Variants in DLGAP2 observed in about 807,000 individuals in gnomAD.
The protein encoded by DLGAP2 is DLG associated protein 2.
A neutral mutation model predicts 100.3 loss-of-function variants in DLGAP2; 26 were observed. The ratio of observed to expected loss-of-function variants is 0.26; its 90% CI spans 0.19 to 0.36. The LOEUF is 0.36. DLGAP2 is among the 10% of genes least tolerant of loss of function. DLGAP2 has a pLI of 1.00. For synonymous variants in DLGAP2, 886 were observed against 630.1 expected (o/e 1.41, Z -6.08); for missense variants, 1,858 against 1,453.2 (o/e 1.28, Z -4.53).
At chr8:1,514,511 T>C (rs1800292299) in intron 4 of DLGAP2, among the ~76,000 whole-genome samples, 1 of 152,232 alleles carries the variant, frequency 6.6e-6, no homozygotes, top group Non-Finnish European at 1.5e-5. Flanking sequence ...ATAATATGAA[T>C]AGCGTTAATA....
chr8:1,487,603 A>T (rs1006815926), intron 3 of DLGAP2, among the ~76,000 whole-genome samples: 5 of 152,236 alleles, frequency 3.3e-5, no homozygotes, highest in Non-Finnish European at 7.3e-5. Flanking sequence ...CGTCTAACCC[A>T]GATAACACGA....
chr8:1,122,987 G>C (rs201534556), intron 2 of DLGAP2, among the ~76,000 whole-genome samples: 3 of 152,186 alleles, frequency 2.0e-5, no homozygotes, highest in African/African-American at 7.2e-5. Flanking sequence ...GTGATCAGGA[G>C]ATACAGTTAA....
Position 1,378,098 on chromosome 8 carries a change from A to AGGT in DLGAP2, c.106+119217_106+119219dup, listed in dbSNP as rs1281244981. The AGGT allele has an allele frequency of 2.6e-5, 4 of 156,474 alleles. 1 individual carries two copies. Among genetic ancestry groups the AGGT allele is most frequent in the Admixed American group, 2.0e-4 (3 of 15,310 alleles). 9.7% of individuals were successfully genotyped at this position (156,474 alleles called of 1,614,324 possible). A position where few individuals can be genotyped will look rare whatever the true frequency, so the allele number is the denominator to read the frequency against. On this transcript the variant is annotated intron_variant, in intron 3 of 14. Transcript: ENST00000637795. ...GACCCGTCTCAAGATATCTGGACGCAGGTGCACACCTGGCCTCACTTGTCC... is the reference window on the plus strand; with the variant it reads ...GACCCGTCTCAAGATATCTGGACGCAGGTGGTGCACACCTGGCCTCACTTGTCC...
intron 3 of DLGAP2, among the ~76,000 whole-genome samples, chr8:1,434,431 C>T (rs1323937698): frequency 6.6e-6 from 1 of 152,106 alleles, no homozygotes; most frequent in Non-Finnish European, 1.5e-5. Context: ...CTGCCACACC[C>T]ACCACTGGGT....
At chr8:1,142,822 G>C (rs1278845662) in intron 2 of DLGAP2, among the ~76,000 whole-genome samples, 5 of 152,176 alleles carry the variant, frequency 3.3e-5, no homozygotes, top group African/African-American at 1.2e-4. Flanking sequence ...CTTCAGGAGA[G>C]ACCTGGCGGG....
intron 2 of DLGAP2, among the ~76,000 whole-genome samples, chr8:1,124,029 C>T (rs1458805982): frequency 1.3e-5 from 2 of 151,748 alleles, no homozygotes; most frequent in Non-Finnish European, 2.9e-5. Flanking sequence ...AAAAAAAATT[C>T]AGCCCTTCAT....
chr8:1,169,598 G>A (rs565161039), intron 2 of DLGAP2, among the ~76,000 whole-genome samples: 5 of 152,082 alleles, frequency 3.3e-5, no homozygotes, highest in Non-Finnish European at 5.9e-5. Context: ...GGTCCTTCAC[G>A]TCCCTTGTAA....
intron 3 of DLGAP2, among the ~76,000 whole-genome samples, chr8:1,393,029 G>C (rs1796410611): frequency 1.8e-5 from 1 of 56,496 alleles, no homozygotes. Context: ...TTGTCCTCCT[G>C]AGTCGTGTAT....
At position 737,778 on chromosome 8, in the gene DLGAP2, C is replaced by T; in HGVS notation, c.-30C>T. 2.6e-6 allele frequency: 1 copy of T among 378,500 alleles called. No homozygotes were observed. 23.4% of individuals were successfully genotyped at this position (378,500 alleles called of 1,614,324 possible). A position where few individuals can be genotyped will look rare whatever the true frequency, so the allele number is the denominator to read the frequency against. The stretch of plus-strand genomic sequence containing the variant: ...GGAGGGGCCGCTTCGCCATGTCGCC[C>T]CGCACCTGCTGAGCCCGGAGCGTCC... On this transcript the variant is annotated 5_prime_UTR_variant, in exon 1 of 15. Transcript: ENST00000637795.
At chr8:1,506,770 G>C (rs532255528) in intron 4 of DLGAP2, among the ~76,000 whole-genome samples, 2 of 152,280 alleles carry the variant, frequency 1.3e-5, no homozygotes, top group Admixed American at 1.3e-4. Context: ...CAATCCCTGA[G>C]CTAGACAAAG....
At position 1,020,214 on chromosome 8, in the gene DLGAP2, C is replaced by G. The variant is rs138376226; in HGVS notation, c.73+112248C>G. On this transcript the variant is annotated intron_variant, in intron 2 of 14. Coordinates refer to ENST00000637795, the MANE Select transcript of DLGAP2 (RefSeq NM_001346810.2). Reference sequence around the variant, plus strand: ...TTGTTTCTACAAGGAAGCCATCCTGCTTTAAAAAGTTTTCAGCTCCAGAGG... The same window carrying G: ...TTGTTTCTACAAGGAAGCCATCCTGGTTTAAAAAGTTTTCAGCTCCAGAGG... Among the ~76,000 whole-genome samples, 63 of 152,324 alleles carry G rather than the reference C, an allele frequency of 4.1e-4. No individual in the cohort carries two copies. In the East Asian group the frequency reaches 0.011, roughly 26 times the overall value.
intron 8 of DLGAP2, 62 bp downstream of exon 8, chr8:1,633,108 T>C (rs921179370): frequency 9.7e-6 from 15 of 1,549,472 alleles, no homozygotes; most frequent in African/African-American, 2.7e-5. Context: ...GTCTTCATCC[T>C]AGAAGGAGCG....
At chr8:752,237 C>T (rs761971909) in intron 1 of DLGAP2, among the ~76,000 whole-genome samples, 4 of 152,208 alleles carry the variant, frequency 2.6e-5, no homozygotes, top group Non-Finnish European at 5.9e-5. Flanking sequence ...GTTGTCCTGC[C>T]ATGAAGCAGA....
chr8:984,505 G>T (rs940192975), intron 2 of DLGAP2, among the ~76,000 whole-genome samples: 7 of 152,142 alleles, frequency 4.6e-5, no homozygotes, highest in African/African-American at 1.7e-4. Context: ...GGTCAGCTTG[G>T]CCCACGCTCC....
chr8:1,367,089 C>T (rs1034914729), intron 3 of DLGAP2, among the ~76,000 whole-genome samples: 1 of 152,188 alleles, frequency 6.6e-6, no homozygotes, highest in African/African-American at 2.4e-5. Context: ...TACGTAGCAA[C>T]CTTTCCAACA....
At chr8:1,495,234 G>A (rs1261370765) in intron 3 of DLGAP2, among the ~76,000 whole-genome samples, 1 of 152,152 alleles carries the variant, frequency 6.6e-6, no homozygotes, top group Non-Finnish European at 1.5e-5. Context: ...TGAACCTGTG[G>A]CCTTCCCATT....
chr8:1,678,099 T>G, intron 11 of DLGAP2, 115 bp from the exon 12 acceptor site: 2 of 1,236,568 alleles, frequency 1.6e-6, no homozygotes, highest in South Asian at 1.5e-5. Flanking sequence ...CTACCTGCCC[T>G]TGAGCCGCCA....
intron 1 of DLGAP2, among the ~76,000 whole-genome samples, chr8:816,693 G>A (rs943232434): frequency 6.6e-6 from 1 of 152,188 alleles, no homozygotes; most frequent in African/African-American, 2.4e-5. Context: ...ATGACTATGT[G>A]TCTAAGGTGA....
At chr8:1,080,308 C>T (rs921578270) in intron 2 of DLGAP2, among the ~76,000 whole-genome samples, 7 of 151,614 alleles carry the variant, frequency 4.6e-5, no homozygotes, top group African/African-American at 1.7e-4. Context: ...CTGTGCTCTC[C>T]TCCGGGGGGC....
Sources: allele counts gnomAD v4.1 joint callset (sites outside exome capture counted in the v4.1 genomes callset), GRCh38; gene constraint gnomAD v4.1.1; transcripts MANE v1.5; gene names NCBI Gene and HGNC (gene_info 2026-07-23, HGNC 2026-07-21).